KCND3: variants seen among roughly 807,000 people sequenced by gnomAD.
KCND3 encodes A-type voltage-gated potassium channel KCND3.
KCND3 carries 9 observed loss-of-function variants against 51.1 expected under a neutral mutation model. That is an observed-to-expected ratio of 0.18 (90% CI 0.11 to 0.31). The LOEUF (loss-of-function observed/expected upper bound fraction) is 0.31, where lower values mean the gene tolerates loss of function less well. Among genes scored for constraint, KCND3 ranks in the 10% least tolerant of loss-of-function variants. The pLI is 1.00. For synonymous variants in KCND3, 349 were observed against 368.0 expected, an observed-to-expected ratio of 0.95 and a Z score of 0.59; for missense variants, 526 against 903.8, an observed-to-expected ratio of 0.58 and a Z score of 5.36.
intron 2 of KCND3, among the ~76,000 whole-genome samples, chr1:111,807,861 T>C (rs764935877): frequency 6.6e-5 from 10 of 152,214 alleles, no homozygotes; most frequent in Non-Finnish European, 1.2e-4. Context: ...TGTTAAGTGA[T>C]GCATGGCTGT....
intron 2 of KCND3, among the ~76,000 whole-genome samples, chr1:111,854,551 G>T (rs909732797): frequency 6.6e-6 from 1 of 152,212 alleles, no homozygotes; most frequent in African/African-American, 2.4e-5. Flanking sequence ...GGTCAGAGGG[G>T]CAAGGAAAGG....
intron 2 of KCND3, among the ~76,000 whole-genome samples, chr1:111,913,427 GA>G (rs1671056653): frequency 6.6e-6 from 1 of 152,180 alleles, no homozygotes; most frequent in African/African-American, 2.4e-5. Flanking sequence ...CATTCACAGT[GA>G]GGCTAAATTA....
In KCND3 at chr1:111,803,930, C is replaced by G. The variant is rs576892214; in HGVS notation, c.1107-16824G>C. 2.0e-5 allele frequency among the ~76,000 whole-genome samples: 3 copies of G among 152,344 alleles called. No individual in the cohort carries two copies. The South Asian group carries it at 6.2e-4, about 32-fold the overall frequency. On this transcript the variant is annotated intron_variant, in intron 2 of 7. Transcript: ENST00000302127. ...GCAAAATCCCTCCTGCCTTCTTTAA[C>G]TTTTCTTTATGTGGGGCTCATCTTG...
At chr1:111,807,058 G>A (rs1665604869) in intron 2 of KCND3, among the ~76,000 whole-genome samples, 1 of 152,212 alleles carries the variant, frequency 6.6e-6, no homozygotes, top group South Asian at 2.1e-4. Flanking sequence ...CTCTCTGGAG[G>A]AAGAATACTG....
chr1:111,781,280 A>G (rs943847334), intron 3 of KCND3, among the ~76,000 whole-genome samples: 1 of 152,184 alleles, frequency 6.6e-6, no homozygotes, highest in Non-Finnish European at 1.5e-5. Flanking sequence ...TGTGCTCTTC[A>G]ATGCTTCTTA....
intron 2 of KCND3, among the ~76,000 whole-genome samples, chr1:111,841,963 T>C (rs117988449): frequency 6.6e-6 from 1 of 152,278 alleles, no homozygotes; most frequent in East Asian, 1.9e-4. Context: ...TTCACTGAGA[T>C]ATGTCATTTC....
intron 2 of KCND3, among the ~76,000 whole-genome samples, chr1:111,875,490 A>G (rs1295947183): frequency 6.6e-6 from 1 of 152,186 alleles, no homozygotes; most frequent in Non-Finnish European, 1.5e-5. Context: ...TTCTATACAA[A>G]CCAAAGAGTG....
At chr1:111,777,611 CTT>C (rs1664186157) in intron 6 of KCND3, among the ~76,000 whole-genome samples, 1 of 152,228 alleles carries the variant, frequency 6.6e-6, no homozygotes, top group Non-Finnish European at 1.5e-5. Flanking sequence ...GAGGCAAAGA[CTT>C]TACTTTCCAG....
At chr1:111,974,287 G>T (rs1401501897) in intron 2 of KCND3, among the ~76,000 whole-genome samples, 1 of 152,056 alleles carries the variant, frequency 6.6e-6, no homozygotes, top group Non-Finnish European at 1.5e-5. Context: ...ACTCCTTCCT[G>T]CTTGTCACTA....
At position 111,787,174 on chromosome 1, in the gene KCND3, GCC is replaced by G. The variant is rs1253036002; in HGVS notation, c.1107-70_1107-69del. ...TTTGGGAAACAAGGCAGGCTTCCCTGCCAATCATTCACCTGTTTATTCATTCA... is the reference window on the plus strand; with the variant it reads ...TTTGGGAAACAAGGCAGGCTTCCCTGAATCATTCACCTGTTTATTCATTCA... On this transcript the variant is annotated intron_variant, in intron 2 of 7. Coordinates refer to ENST00000302127, the MANE Select transcript of KCND3 (RefSeq NM_001378969.1). The G allele has an allele frequency of 2.0e-6, 3 of 1,480,444 alleles. No individual in the cohort carries two copies. In the African/African-American group the frequency reaches 4.1e-5, roughly 20 times the overall value. 91.7% of individuals were successfully genotyped at this position (1,480,444 alleles called of 1,614,324 possible). A position where few individuals can be genotyped will look rare whatever the true frequency, so the allele number is the denominator to read the frequency against.
At chr1:111,959,239 C>T (rs962279252) in intron 2 of KCND3, among the ~76,000 whole-genome samples, 2 of 152,204 alleles carry the variant, frequency 1.3e-5, no homozygotes, top group South Asian at 2.1e-4. Context: ...CATGTTCACT[C>T]GCTCCCTCTA....
At chr1:111,818,754 C>T (rs766532409) in intron 2 of KCND3, among the ~76,000 whole-genome samples, 12 of 152,166 alleles carry the variant, frequency 7.9e-5, no homozygotes, top group Non-Finnish European at 1.6e-4. Context: ...AAGGGCCGCC[C>T]GGGCCTCCCC....
At chr1:111,834,601 C>A (rs961268719) in intron 2 of KCND3, among the ~76,000 whole-genome samples, 1 of 152,118 alleles carries the variant, frequency 6.6e-6, no homozygotes, top group Non-Finnish European at 1.5e-5. Context: ...AAGAGGTCAC[C>A]CAGGCTTTGA....
At position 111,973,719 on chromosome 1, in the gene KCND3, T is replaced by C. The variant is rs374456865; in HGVS notation, c.1106+7902A>G. Among the ~76,000 whole-genome samples, 14 of 152,376 alleles carry C rather than the reference T, an allele frequency of 9.2e-5. No individual in the cohort carries two copies. The East Asian group carries it at 2.7e-3, about 29-fold the overall frequency. On this transcript the variant is annotated intron_variant, in intron 2 of 7. Transcript: ENST00000302127. Reference sequence around the variant, plus strand: ...TGTCAGGGAGCTGAATCCCAAAGAATGGAGCCAGCCTCCCAGAAAATGGTT... The same window carrying C: ...TGTCAGGGAGCTGAATCCCAAAGAACGGAGCCAGCCTCCCAGAAAATGGTT...
intron 2 of KCND3, among the ~76,000 whole-genome samples, chr1:111,824,941 C>A (rs539486673): frequency 6.6e-6 from 1 of 152,152 alleles, no homozygotes; most frequent in Non-Finnish European, 1.5e-5. Context: ...AGCCTTCTTC[C>A]CTGGCAGCAC....
Position 111,775,819 on chromosome 1 carries a change from A to AGCCCCCCC in KCND3, c.*257_*258insGGGGGGGC. Reference sequence around the variant, plus strand: ...GCCTATATCCCCCGGCCTATCCCCGACCCCCCCACCCTCCCTCCCTTCCTC... The same window carrying AGCCCCCCC: ...GCCTATATCCCCCGGCCTATCCCCGAGCCCCCCCCCCCCCCACCCTCCCTCCCTTCCTC... On this transcript the variant is annotated 3_prime_UTR_variant, in exon 8 of 8. Coordinates refer to ENST00000302127, the MANE Select transcript of KCND3 (RefSeq NM_001378969.1). The AGCCCCCCC allele has an allele frequency of 2.0e-5, 2 of 97,706 alleles. No individual in the cohort carries two copies. Among genetic ancestry groups the AGCCCCCCC allele is most frequent in the Non-Finnish European group, 3.9e-5 (2 of 51,262 alleles). The allele number at this position is 97,706 out of a possible 1,614,324, so 6.1% of individuals were successfully genotyped here.
chr1:111,820,633 G>A (rs1028307836), intron 2 of KCND3, among the ~76,000 whole-genome samples: 1 of 152,102 alleles, frequency 6.6e-6, no homozygotes, highest in Non-Finnish European at 1.5e-5. Context: ...ACTTTTGGAA[G>A]CTCCCTGGAT....
intron 2 of KCND3, among the ~76,000 whole-genome samples, chr1:111,835,573 C>T (rs1667031462): frequency 6.6e-6 from 1 of 152,208 alleles, no homozygotes; most frequent in African/African-American, 2.4e-5. Context: ...GACCTCTGGT[C>T]ATCCTCACTG....
At chr1:111,988,523 T>G (rs1356261730) in intron 1 of KCND3, among the ~76,000 whole-genome samples, 2 of 152,178 alleles carry the variant, frequency 1.3e-5, no homozygotes, top group Non-Finnish European at 2.9e-5. Flanking sequence ...CAGGTCCACA[T>G]GGGGAAATGT....
Sources: gnomAD v4.1 joint callset for allele counts (sites outside exome capture counted in the v4.1 genomes callset) on GRCh38, gnomAD v4.1.1 for gene constraint, MANE v1.5 for transcripts, NCBI Gene and HGNC (gene_info 2026-07-23, HGNC 2026-07-21) for gene names.